ZNF280B: variants seen among roughly 807,000 people sequenced by gnomAD.
The protein encoded by ZNF280B is suppressor of hairy wing homolog 2.
ZNF280B carries 16 observed loss-of-function variants against 38.0 expected under a neutral mutation model. That is an observed-to-expected ratio of 0.42 (90% CI 0.28 to 0.64). The LOEUF is 0.64. Ranked by LOEUF, ZNF280B falls within the 30% of genes least tolerant of loss-of-function variation. The pLI is 0.21. For missense variants in ZNF280B, 581 were observed against 639.6 expected (o/e 0.91, Z 0.99); for synonymous variants, 253 against 230.6 (o/e 1.10, Z -0.88).
intron 2 of ZNF280B, among the ~76,000 whole-genome samples, chr22:22,498,367 A>G (rs1323282244): frequency 1.2e-4 from 19 of 152,004 alleles, no homozygotes; most frequent in Admixed American, 1.2e-3. Flanking sequence ...TTTCACCTCA[A>G]TGAATTATTT....
chr22:22,493,162 C>T (rs937347792), intron 3 of ZNF280B, among the ~76,000 whole-genome samples: 67 of 151,866 alleles, frequency 4.4e-4, no homozygotes, highest in African/African-American at 1.6e-3. Flanking sequence ...AGGTGCGCCA[C>T]CACGCCCAGC....
chr22:22,490,899 C>T (rs1334864348), intron 3 of ZNF280B, among the ~76,000 whole-genome samples: 1 of 151,784 alleles, frequency 6.6e-6, no homozygotes, highest in African/African-American at 2.4e-5. Context: ...TCCAAGTATC[C>T]CTCTCGGTGA....
Position 22,485,042 on chromosome 22 carries a change from T to C in ZNF280B, c.*2725A>G, listed in dbSNP as rs1283184770. 2 of 152,254 alleles carry C rather than the reference T, an allele frequency of 1.3e-5. No homozygotes were observed. Among genetic ancestry groups the C allele is most frequent in the African/African-American group, 4.8e-5 (2 of 41,328 alleles). The allele number at this position is 152,254 out of a possible 1,614,324, so 9.4% of individuals were successfully genotyped here. A position where few individuals can be genotyped will look rare whatever the true frequency, so the allele number is the denominator to read the frequency against. ...TTGGATTGGGAAGAATGTGATTTGC[T>C]TAAGGAATAGCAAGGCCAGTGTGTC... On this transcript the variant is annotated 3_prime_UTR_variant, in exon 4 of 4. Transcript: ENST00000626650.
chr22:22,500,943 C>A (rs191644376), intron 2 of ZNF280B, among the ~76,000 whole-genome samples: 1 of 144,034 alleles, frequency 6.9e-6, no homozygotes, highest in Non-Finnish European at 1.5e-5. Flanking sequence ...TCCCCTGAAT[C>A]TGGGAGGCAG....
chr22:22,505,764 A>G (rs1055595453), intron 2 of ZNF280B, among the ~76,000 whole-genome samples: 1 of 151,816 alleles, frequency 6.6e-6, no homozygotes, highest in Non-Finnish European at 1.5e-5. Context: ...ATCTCAAAAA[A>G]TAAGTACATA....
intron 3 of ZNF280B, among the ~76,000 whole-genome samples, chr22:22,491,047 G>A (rs1254270197): frequency 6.6e-6 from 1 of 151,514 alleles, no homozygotes; most frequent in African/African-American, 2.4e-5. Flanking sequence ...CCATCCAGTG[G>A]AACATAAAAC....
chr22:22,506,009 A>G (rs1036302908), intron 2 of ZNF280B, among the ~76,000 whole-genome samples: 1 of 151,730 alleles, frequency 6.6e-6, no homozygotes, highest in Admixed American at 6.6e-5. Context: ...AAATAGAGAT[A>G]CTAAGAAGTC....
intron 2 of ZNF280B, among the ~76,000 whole-genome samples, chr22:22,503,899 T>C (rs2061877710): frequency 6.6e-6 from 1 of 151,914 alleles, no homozygotes; most frequent in South Asian, 2.1e-4. Context: ...CCTATGTAAC[T>C]TGGGTCTCTG....
chr22:22,502,546 T>A (rs1458608465), intron 2 of ZNF280B, among the ~76,000 whole-genome samples: 2 of 151,896 alleles, frequency 1.3e-5, no homozygotes, highest in East Asian at 3.9e-4. Flanking sequence ...AATTGATAAA[T>A]GAATAAACGA....
chr22:22,495,398 C>A (rs1476874483), intron 2 of ZNF280B, among the ~76,000 whole-genome samples: 1 of 151,818 alleles, frequency 6.6e-6, no homozygotes, highest in Non-Finnish European at 1.5e-5. Context: ...CAGAAATGAA[C>A]AACAAAAACA....
chr22:22,487,802 T>TG lies in ZNF280B; in HGVS notation c.1596dup (p.Arg533GlnfsTer3). 1.9e-6 allele frequency: 3 copies of TG among 1,602,114 alleles called. No homozygotes were observed. The highest frequency in any genetic ancestry group is 2.6e-6 in the Non-Finnish European group (3 of 1,175,680). ...TTTTTTGAAATTTTGCTTTTAGACC[T>TG]GGGGAGTGATGGTTCAGAGTCAGAT... On this transcript the variant is annotated frameshift_variant, in exon 4 of 4. Transcript: ENST00000626650. LOFTEE classifies it high-confidence loss of function.
At chr22:22,492,874 A>T (rs1293723461) in intron 3 of ZNF280B, among the ~76,000 whole-genome samples, 2 of 148,388 alleles carry the variant, frequency 1.3e-5, no homozygotes, top group Admixed American at 1.3e-4. Context: ...TGACAGTGCG[A>T]GACTGCATCT....
At chr22:22,490,886 T>TA (rs1292199996) in intron 3 of ZNF280B, among the ~76,000 whole-genome samples, 2 of 151,802 alleles carry the variant, frequency 1.3e-5, no homozygotes, top group Admixed American at 6.6e-5. Flanking sequence ...CTTAGGGCTC[T>TA]ATTCCAAGTA....
In ZNF280B at chr22:22,489,480, T is replaced by C. The variant is rs2061550879; in HGVS notation, c.-68-14A>G. 3 of 1,234,764 alleles carry C rather than the reference T, an allele frequency of 2.4e-6. No homozygotes were observed. Among genetic ancestry groups the C allele is most frequent in the Non-Finnish European group, 3.4e-6 (3 of 887,014 alleles). The allele number at this position is 1,234,764 out of a possible 1,614,324, so 76.5% of individuals were successfully genotyped here. A position where few individuals can be genotyped will look rare whatever the true frequency, so the allele number is the denominator to read the frequency against. On this transcript the variant is annotated splice_polypyrimidine_tract_variant and intron_variant, in intron 3 of 3. Transcript: ENST00000626650. The stretch of plus-strand genomic sequence containing the variant: ...ATAAACTGCCACCTAAGTACAAACA[T>C]ACATCAGTAAGTACAGGAAAATGCA...
rs781716444 is a variant in ZNF280B, at chr22:22,488,627, C to G, written c.772G>C (p.Glu258Gln). 1.2e-6 allele frequency: 2 copies of G among 1,613,782 alleles called. No individual in the cohort carries two copies. Among genetic ancestry groups the G allele is most frequent in the Non-Finnish European group, 1.7e-6 (2 of 1,179,938 alleles). The change falls in exon 4 of 4, where the codon GAA becomes CAA. Residue 258 changes from glutamate (E) to glutamine (Q), a missense_variant. Glu to Gln is a conservative substitution (Grantham distance 29). Coordinates refer to ENST00000626650, the MANE Select transcript of ZNF280B (RefSeq NM_080764.4). ...CTCAAAATGTCTGTTTTTGCCAATTCATTTGCCCTATCAAGATTTGTATTT... is the reference window on the plus strand; with the variant it reads ...CTCAAAATGTCTGTTTTTGCCAATTGATTTGCCCTATCAAGATTTGTATTT... Reference protein sequence around the residue: ...PINTNLDRANELAKTDILSLT... With the variant: ...PINTNLDRANQLAKTDILSLT...
intron 2 of ZNF280B, among the ~76,000 whole-genome samples, chr22:22,498,793 CTTTTTTTTTT>C (rs60940298): frequency 2.4e-5 from 2 of 83,632 alleles, no homozygotes; most frequent in Non-Finnish European, 4.1e-5. Flanking sequence ...GGCCAATATC[CTTTTTTTTTT>C]TTTTTTTTTT....
intron 3 of ZNF280B, among the ~76,000 whole-genome samples, chr22:22,489,719 T>C (rs11704197): frequency 0.011 from 1,614 of 151,882 alleles, 11 homozygotes; most frequent in Non-Finnish European, 0.016. Flanking sequence ...TAGGCAAAAT[T>C]ATATGGAAAA....
rs71199486 is a variant in ZNF280B, at chr22:22,497,208, TAAAAAAAAAAAAAAAAAAAA to T, written c.-186-3048_-186-3029del. On this transcript the variant is annotated intron_variant, in intron 2 of 3. Coordinates refer to ENST00000626650, the MANE Select transcript of ZNF280B (RefSeq NM_080764.4). The stretch of plus-strand genomic sequence containing the variant: ...TGAGCAGAATCTTGGTCTCCATCTT[TAAAAAAAAAAAAAAAAAAAA>T]AAAAAAAAAAAAAAAAAAAAGGCCA... Among the ~76,000 whole-genome samples the T allele has an allele frequency of 1.9e-3, 65 of 33,650 alleles. 1 individual carries two copies. The highest frequency in any genetic ancestry group is 0.026 in the Middle Eastern group (1 of 38). The allele number at this position is 33,650 out of a possible 152,430, so 22.1% of individuals were successfully genotyped here.
chr22:22,497,722 G>A (rs2061729810), intron 2 of ZNF280B, among the ~76,000 whole-genome samples: 1 of 151,952 alleles, frequency 6.6e-6, no homozygotes, highest in African/African-American at 2.4e-5. Context: ...TAAAAGCAAA[G>A]AGAACACTAG....
Sources: allele counts gnomAD v4.1 joint callset (sites outside exome capture counted in the v4.1 genomes callset), GRCh38; gene constraint gnomAD v4.1.1; transcripts MANE v1.5; gene names NCBI Gene and HGNC (gene_info 2026-07-23, HGNC 2026-07-21).